Variants in MTOR observed in about 807,000 individuals in gnomAD.
The protein encoded by MTOR is mechanistic target of rapamycin kinase.
Under a neutral mutation model 319.8 loss-of-function variants are expected in MTOR, and 70 were observed. That is an observed-to-expected ratio of 0.22 (90% confidence interval 0.18 to 0.27). The LOEUF is 0.27. Among genes scored for constraint, MTOR ranks in the 10% least tolerant of loss-of-function variants. The pLI, the probability that MTOR is intolerant of heterozygous loss-of-function variation, is 1.00. For missense variants in MTOR, 1,890 were observed against 3,274.4 expected, an observed-to-expected ratio of 0.58 and a Z score of 10.32; for synonymous variants, 1,183 against 1,211.4, an observed-to-expected ratio of 0.98 and a Z score of 0.49.
chr1:11,147,216 CA>C (rs1445518520), intron 31 of MTOR, among the ~76,000 whole-genome samples: 1 of 151,748 alleles, frequency 6.6e-6, no homozygotes, highest in Non-Finnish European at 1.5e-5. Flanking sequence ...TTCCTCCAAA[CA>C]ATTGAAAATA....
chr1:11,230,138 C>T (rs996470855), intron 18 of MTOR, among the ~76,000 whole-genome samples: 6 of 148,868 alleles, frequency 4.0e-5, no homozygotes, highest in African/African-American at 7.4e-5. Context: ...AAAAAAAAGG[C>T]GTCCAGGCAC....
At chr1:11,205,624 T>C (rs1187083693) in intron 25 of MTOR, among the ~76,000 whole-genome samples, 3 of 152,198 alleles carry the variant, frequency 2.0e-5, no homozygotes, top group Non-Finnish European at 2.9e-5. Flanking sequence ...GCAAATTACT[T>C]GTATTTTGCA....
rs200322533 is a variant in MTOR, at chr1:11,252,265, G to GT, written c.840+1573dup. ...AATTTGTATTATCTTTAAATTGTTT[G>GT]TTTTTTCCTTGATTTTTTTTTTCTT... On this transcript the variant is annotated intron_variant, in intron 6 of 57. Coordinates refer to ENST00000361445, the MANE Select transcript of MTOR (RefSeq NM_004958.4). Among the ~76,000 whole-genome samples the GT allele has an allele frequency of 7.4e-3, 1,129 of 151,674 alleles. 19 individuals carry two copies. Among genetic ancestry groups the GT allele is most frequent in the African/African-American group, 0.025 (1,045 of 41,320 alleles).
chr1:11,259,139 ATC>A (rs757252525), intron 2 of MTOR, 107 bp downstream of exon 2: 68 of 1,388,332 alleles, frequency 4.9e-5, no homozygotes, highest in African/African-American at 2.7e-4. Flanking sequence ...TTATAAAATA[ATC>A]TCTGTTTTCC....
rs1650018689 is a variant in MTOR, at chr1:11,253,825, C to T, written c.840+14G>A. ...CACGGGGAGCCTGGACTCCCCTCTG[C>T]CGTGGCTTCTCACCTCTCCCTCCAT... On this transcript the variant is annotated intron_variant, in intron 6 of 57. Transcript: ENST00000361445. 1 of 1,613,884 alleles carries T rather than the reference C, an allele frequency of 6.2e-7. No individual in the cohort carries two copies. Among genetic ancestry groups the T allele is most frequent in the African/African-American group, 1.3e-5 (1 of 74,914 alleles).
Position 11,129,032 on chromosome 1 carries a change from G to T in MTOR, c.5715-81C>A. On this transcript the variant is annotated intron_variant, in intron 40 of 57. Transcript: ENST00000361445. This position sits in a 1 kb window ranked among gnomAD's most constrained non-coding sequence, Gnocchi z 4.7. ...TGTTTTTCATCTCTAAGGCTCCTGA[G>T]AAGAGAGCTGGCAGGGACTCCAACC... 1 of 1,188,426 alleles carries T rather than the reference G, an allele frequency of 8.4e-7. No homozygotes were observed. The highest frequency in any genetic ancestry group is 1.2e-6 in the Non-Finnish European group (1 of 820,270). The allele number at this position is 1,188,426 out of a possible 1,614,324, so 73.6% of individuals were successfully genotyped here. A position where few individuals can be genotyped will look rare whatever the true frequency, so the allele number is the denominator to read the frequency against.
At chr1:11,138,413 G>A (rs1643533289) in intron 36 of MTOR, among the ~76,000 whole-genome samples, 1 of 152,222 alleles carries the variant, frequency 6.6e-6, no homozygotes. Context: ...CCTGGGTACA[G>A]GCTGGCTGAT....
At chr1:11,176,209 C>T (rs912559500) in intron 28 of MTOR, among the ~76,000 whole-genome samples, 10 of 152,206 alleles carry the variant, frequency 6.6e-5, no homozygotes, top group South Asian at 2.1e-4. Context: ...CCCTCAGTCA[C>T]GGCTCCACAG....
intron 28 of MTOR, among the ~76,000 whole-genome samples, chr1:11,180,456 T>C (rs1428226357): frequency 6.6e-6 from 1 of 152,194 alleles, no homozygotes; most frequent in Non-Finnish European, 1.5e-5. Context: ...CCAGTCACCC[T>C]TGCCATTAAT....
At chr1:11,208,746 A>C (rs1646219189) in intron 25 of MTOR, among the ~76,000 whole-genome samples, 1 of 152,236 alleles carries the variant, frequency 6.6e-6, no homozygotes, top group Non-Finnish European at 1.5e-5. Context: ...AGCTGGTCAT[A>C]TCTTAGGCTT....
At chr1:11,160,748 C>T (rs1394466463) in intron 29 of MTOR, among the ~76,000 whole-genome samples, 1 of 152,200 alleles carries the variant, frequency 6.6e-6, no homozygotes, top group Non-Finnish European at 1.5e-5. Flanking sequence ...AAAATCAGTG[C>T]TTACTGCATA....
chr1:11,165,779 A>G (rs1474633385), intron 29 of MTOR, among the ~76,000 whole-genome samples: 1 of 152,218 alleles, frequency 6.6e-6, no homozygotes, highest in African/African-American at 2.4e-5. Flanking sequence ...AAGAGCCCGC[A>G]TCGCCAAGAC....
rs548179189 is a variant in MTOR, at chr1:11,182,016, G to A, written c.4254-14499C>T. Among the ~76,000 whole-genome samples, 6 of 152,176 alleles carry A rather than the reference G, an allele frequency of 3.9e-5. No homozygotes were observed. The East Asian group carries it at 5.8e-4, about 15-fold the overall frequency. On this transcript the variant is annotated intron_variant, in intron 28 of 57. Coordinates refer to ENST00000361445, the MANE Select transcript of MTOR (RefSeq NM_004958.4). ...GCGGATCACCTGAGGTCAGGAGTTC[G>A]AGACCAGCCTGACCGACATGGAGAA...
At chr1:11,262,288 G>C (rs1321020836) in intron 1 of MTOR, among the ~76,000 whole-genome samples, 157 bp downstream of exon 1, 1 of 152,242 alleles carries the variant, frequency 6.6e-6, no homozygotes, top group East Asian at 1.9e-4. Flanking sequence ...CGAGGGGTGG[G>C]AGTCAAGGCC....
At chr1:11,209,568 T>A in intron 24 of MTOR, 110 bp from the exon 25 acceptor site, 1 of 1,331,618 alleles carries the variant, frequency 7.5e-7, no homozygotes. Context: ...AGGATTTCAG[T>A]AAGAAGTAAA....
intron 13 of MTOR, among the ~76,000 whole-genome samples, chr1:11,236,738 T>C (rs1421565511): frequency 6.6e-6 from 1 of 152,102 alleles, no homozygotes; most frequent in Non-Finnish European, 1.5e-5. Context: ...CTTGAACTCC[T>C]GACCCCAGGT....
intron 6 of MTOR, among the ~76,000 whole-genome samples, chr1:11,249,224 T>C (rs1213412637): frequency 7.1e-6 from 1 of 141,396 alleles, no homozygotes; most frequent in East Asian, 2.4e-4. Flanking sequence ...GCCTTGGTTT[T>C]GGGGGCCAGG....
At chr1:11,192,392 G>A in intron 28 of MTOR, 2 of 1,564,446 alleles carry the variant, frequency 1.3e-6, no homozygotes, top group South Asian at 1.1e-5. Context: ...ACAGTCACTG[G>A]CCATGCCCTA....
chr1:11,243,127 C>A lies in MTOR; in HGVS notation c.1399G>T (p.Asp467Tyr). ...DIIRAALPPK[D>Y]FAHKRQKAMQ... ...AGAGGTGCTTACTTATGGGCGAAGT[C>A]CTTTGGGGGCAGGGCCGCTCGGATG... Residue 467 changes from aspartate (D) to tyrosine (Y), a missense_variant, in exon 9 of 58, where the codon GAC becomes TAC. Coordinates refer to ENST00000361445, the MANE Select transcript of MTOR (RefSeq NM_004958.4). The A allele has an allele frequency of 6.2e-7, 1 of 1,614,092 alleles. No individual in the cohort carries two copies. The highest frequency in any genetic ancestry group is 8.5e-7 in the Non-Finnish European group (1 of 1,180,024).
Sources: gnomAD v4.1 joint callset for allele counts (sites outside exome capture counted in the v4.1 genomes callset) on GRCh38, gnomAD v4.1.1 for gene constraint, Gnocchi (gnomAD v3.1) non-coding constraint, MANE v1.5 for transcripts, NCBI Gene and HGNC (gene_info 2026-07-23, HGNC 2026-07-21) for gene names.